Variants in R3HCC1L observed in about 807,000 individuals in gnomAD.
R3HCC1L encodes the protein coiled-coil domain-containing protein R3HCC1L.
In R3HCC1L, 51 loss-of-function variants were observed where a neutral mutation model predicts 59.9. The observed-to-expected ratio is 0.85, with a 90% confidence interval of 0.68 to 1.07. R3HCC1L has a LOEUF of 1.07. Ranked by LOEUF, R3HCC1L falls within the 50% of genes least tolerant of loss-of-function variation. R3HCC1L has a pLI of 0.00. For synonymous variants in R3HCC1L, 322 were observed against 315.2 expected (o/e 1.02, Z -0.23); for missense variants, 965 against 933.0 (o/e 1.03, Z -0.45).
At chr10:98,146,128 T>C (rs1310838802) in intron 1 of R3HCC1L, among the ~76,000 whole-genome samples, 1 of 151,988 alleles carries the variant, frequency 6.6e-6, no homozygotes, top group Non-Finnish European at 1.5e-5. Flanking sequence ...ATTTTAATAA[T>C]TATTGTGATT....
At chr10:98,181,531 G>A (rs181028653) in intron 4 of R3HCC1L, among the ~76,000 whole-genome samples, 1 of 152,118 alleles carries the variant, frequency 6.6e-6, no homozygotes, top group African/African-American at 2.4e-5. Flanking sequence ...CTTTGTGGCG[G>A]TCTCTGTATT....
rs1413435643 is a variant in R3HCC1L at position 98,235,499 on chromosome 10, G to A, written c.2107G>A (p.Ala703Thr). ...GTCACAGGCCACAAGAGCAGCCAAG[G>A]CCAAAGCTAGAGCTTATGCTGGTGA... Reference protein sequence around the residue: ...PLSQATRAAKAKARAYAEFLQ... With the variant: ...PLSQATRAAKTKARAYAEFLQ... Residue 703 changes from alanine (A) to threonine (T), a missense_variant, in exon 8 of 10, where the codon GCC becomes ACC. Coordinates refer to ENST00000298999, the MANE Select transcript of R3HCC1L (RefSeq NM_001351015.2). 1.2e-6 allele frequency: 2 copies of A among 1,613,160 alleles called. No homozygotes were observed. The highest frequency in any genetic ancestry group is 1.7e-6 in the Non-Finnish European group (2 of 1,179,380).
intron 2 of R3HCC1L, among the ~76,000 whole-genome samples, chr10:98,159,961 G>A (rs980873368): frequency 1.3e-5 from 2 of 152,178 alleles, no homozygotes; most frequent in Middle Eastern, 3.2e-3. Context: ...GTGTTTGTAT[G>A]TGTGCACACA....
intron 9 of R3HCC1L, among the ~76,000 whole-genome samples, chr10:98,243,014 C>T (rs1437737086): frequency 6.6e-6 from 1 of 152,184 alleles, no homozygotes; most frequent in South Asian, 2.1e-4. Context: ...TCAGATAATG[C>T]CACAAGATGG....
chr10:98,230,965 C>A, intron 5 of R3HCC1L: 1 of 383,732 alleles, frequency 2.6e-6, no homozygotes, highest in Non-Finnish European at 5.1e-6. Context: ...AGTATAACTA[C>A]TTGTACCACT....
At chr10:98,234,663 A>G (rs1353008160) in intron 7 of R3HCC1L, 147 bp downstream of exon 7, 1 of 744,398 alleles carries the variant, frequency 1.3e-6, no homozygotes, top group Admixed American at 2.6e-5. Flanking sequence ...GAGGTAAGGT[A>G]CTTTGGTACC....
chr10:98,204,405 A>C (rs1034913981), intron 4 of R3HCC1L, among the ~76,000 whole-genome samples: 2 of 151,236 alleles, frequency 1.3e-5, no homozygotes, highest in Non-Finnish European at 3.0e-5. Flanking sequence ...AACTGTCTCA[A>C]AAAAAAAAGA....
At chr10:98,235,588 T>C in intron 8 of R3HCC1L, 68 bp downstream of exon 8, 1 of 1,247,382 alleles carries the variant, frequency 8.0e-7, no homozygotes, top group Non-Finnish European at 1.1e-6. Context: ...AGAAGTTTTA[T>C]AGCATCCAGA....
intron 1 of R3HCC1L, among the ~76,000 whole-genome samples, chr10:98,151,058 G>A (rs553053395): frequency 3.0e-4 from 45 of 152,276 alleles, no homozygotes; most frequent in African/African-American, 1.1e-3. Flanking sequence ...TTCCTTTCCT[G>A]CTTAGATTTT....
At chr10:98,173,914 G>A (rs1160119860) in intron 4 of R3HCC1L, among the ~76,000 whole-genome samples, 1 of 152,068 alleles carries the variant, frequency 6.6e-6, no homozygotes, top group East Asian at 1.9e-4. Flanking sequence ...TTTTACATGG[G>A]GCAGAGAAGT....
chr10:98,231,702 G>T lies in R3HCC1L; in HGVS notation c.1961+15G>T. The T allele has an allele frequency of 6.3e-7, 1 of 1,575,942 alleles. No homozygotes were observed. Among genetic ancestry groups the T allele is most frequent in the Non-Finnish European group, 8.6e-7 (1 of 1,157,652 alleles). ...TGCAGTTATCAGTGAGTATGCAAAT[G>T]ATTGTGGATGTTAGGGAGGGTGAGA... is the stretch of plus-strand genomic sequence containing the variant. On this transcript the variant is annotated intron_variant, in intron 6 of 9. Coordinates refer to ENST00000298999, the MANE Select transcript of R3HCC1L (RefSeq NM_001351015.2).
At chr10:98,189,847 A>G (rs1850642611) in intron 4 of R3HCC1L, among the ~76,000 whole-genome samples, 1 of 152,218 alleles carries the variant, frequency 6.6e-6, no homozygotes, top group Admixed American at 6.5e-5. Flanking sequence ...TATATCACAC[A>G]CAAGTGCCTC....
At chr10:98,142,789 G>T (rs894681408) in intron 1 of R3HCC1L, among the ~76,000 whole-genome samples, 2 of 152,056 alleles carry the variant, frequency 1.3e-5, no homozygotes, top group African/African-American at 4.8e-5. Context: ...ACAAAAATTA[G>T]CCAGGTCTGG....
intron 2 of R3HCC1L, among the ~76,000 whole-genome samples, chr10:98,162,103 C>CT (rs562858968): frequency 2.7e-4 from 40 of 147,184 alleles, no homozygotes; most frequent in Middle Eastern, 3.5e-3. Context: ...ATAAATTCTC[C>CT]TTTTTTTTTT....
At chr10:98,158,885 C>T (rs1035201225) in intron 2 of R3HCC1L, among the ~76,000 whole-genome samples, 1 of 151,546 alleles carries the variant, frequency 6.6e-6, no homozygotes, top group Non-Finnish European at 1.5e-5. Context: ...TGGCTCACTG[C>T]AGCCTTGAAC....
chr10:98,171,907 A>C lies in R3HCC1L; in HGVS notation c.-15+8510A>C, dbSNP rs181714478. On this transcript the variant is annotated intron_variant, in intron 4 of 9. Coordinates refer to ENST00000298999, the MANE Select transcript of R3HCC1L (RefSeq NM_001351015.2). ...AGAATGTGATAGAGCAAATGGACTC[A>C]GAAGTGTGCTTGTGAAAGCAGGCAA... Among the ~76,000 whole-genome samples the C allele has an allele frequency of 2.2e-4, 33 of 152,312 alleles. 1 individual carries two copies. In the South Asian group the frequency reaches 4.6e-3, roughly 21 times the overall value.
chr10:98,134,971 G>A (rs376942965), intron 1 of R3HCC1L, among the ~76,000 whole-genome samples: 3 of 152,144 alleles, frequency 2.0e-5, no homozygotes, highest in Admixed American at 6.5e-5. Context: ...CGCTTTGGGC[G>A]CTCGCCCCAA....
At chr10:98,186,311 G>A (rs149326213) in intron 4 of R3HCC1L, among the ~76,000 whole-genome samples, 368 of 152,184 alleles carry the variant, frequency 2.4e-3, no homozygotes, top group African/African-American at 7.8e-3. Flanking sequence ...TGGTTCCTTC[G>A]GTTTTGATGT....
At chr10:98,242,528 T>G (rs1857645534) in intron 9 of R3HCC1L, among the ~76,000 whole-genome samples, 1 of 152,200 alleles carries the variant, frequency 6.6e-6, no homozygotes, top group Admixed American at 6.5e-5. Flanking sequence ...TAGATTTGCC[T>G]CCATCGATTA....
Sources: allele counts gnomAD v4.1 joint callset (sites outside exome capture counted in the v4.1 genomes callset), GRCh38; gene constraint gnomAD v4.1.1; transcripts MANE v1.5; gene names NCBI Gene and HGNC (gene_info 2026-07-23, HGNC 2026-07-21).